STX8: variants seen among roughly 807,000 people sequenced by gnomAD.
The protein encoded by STX8 is syntaxin-8.
Under a neutral mutation model 37.5 loss-of-function variants are expected in STX8, and 23 were observed. That is an observed-to-expected ratio of 0.61 (90% CI 0.44 to 0.87). The LOEUF is 0.87. Ranked by LOEUF, STX8 falls within the 40% of genes least tolerant of loss-of-function variation. The pLI is 0.00. For missense variants in STX8, 313 were observed against 284.7 expected (o/e 1.10, Z -0.71); for synonymous variants, 115 against 99.1 (o/e 1.16, Z -0.95).
rs1362562072 is a variant in STX8 at position 9,276,312 on chromosome 17, TTAAAG to T, written c.644-25672_644-25668del. Among the ~76,000 whole-genome samples, 3 of 152,196 alleles carry T rather than the reference TTAAAG, an allele frequency of 2.0e-5. 1 individual carries two copies. Among genetic ancestry groups the T allele is most frequent in the African/African-American group, 4.8e-5 (2 of 41,414 alleles). On this transcript the variant is annotated intron_variant, in intron 7 of 7. Coordinates refer to ENST00000306357, the MANE Select transcript of STX8 (RefSeq NM_004853.3). ...TTCCTAACGAAGGGAACATGTTTCT[TTAAAG>T]TAACCCCATCTTTTTTTGTGGAAAT...
chr17:9,467,521 G>C (rs933972849), intron 6 of STX8: 2 of 152,212 alleles, frequency 1.3e-5, no homozygotes. Flanking sequence ...TTCCCCTTAA[G>C]GAGTGGGAAG....
At chr17:9,287,313 T>A (rs1344015153) in intron 7 of STX8, among the ~76,000 whole-genome samples, 1 of 152,154 alleles carries the variant, frequency 6.6e-6, no homozygotes, top group African/African-American at 2.4e-5. Context: ...GAGGGCCAGA[T>A]GCACCCCAGG....
At chr17:9,314,241 T>C (rs1485732444) in intron 7 of STX8, among the ~76,000 whole-genome samples, 1 of 152,224 alleles carries the variant, frequency 6.6e-6, no homozygotes, top group East Asian at 1.9e-4. Flanking sequence ...CCGTGAGGAA[T>C]AGAATTGCCA....
intron 7 of STX8, among the ~76,000 whole-genome samples, chr17:9,329,050 CAAAAAAAAA>C (rs998679728): frequency 0.012 from 324 of 27,936 alleles, 1 homozygote; most frequent in African/African-American, 0.022. Context: ...GATTCCATCT[CAAAAAAAAA>C]AAAAAAAAAA....
At chr17:9,455,741 C>G (rs537998637) in intron 6 of STX8, among the ~76,000 whole-genome samples, 1 of 152,160 alleles carries the variant, frequency 6.6e-6, no homozygotes, top group Non-Finnish European at 1.5e-5. Context: ...GGAATACAGA[C>G]ACTTCAGCAA....
chr17:9,398,653 G>C (rs7207785), intron 6 of STX8, among the ~76,000 whole-genome samples: 1 of 152,178 alleles, frequency 6.6e-6, no homozygotes, highest in Non-Finnish European at 1.5e-5. Context: ...TGGATGTGGA[G>C]TATACAGGAA....
At position 9,399,173 on chromosome 17, in the gene STX8, C is replaced by A. The variant is rs1354319160; in HGVS notation, c.542-20520G>T. On this transcript the variant is annotated intron_variant, in intron 6 of 7. Transcript: ENST00000306357. The stretch of plus-strand genomic sequence containing the variant: ...TCAGGCATGTCGCCAACTGATTTTT[C>A]CACTATATATATATCCACATGAACC... Among the ~76,000 whole-genome samples, 5 of 151,990 alleles carry A rather than the reference C, an allele frequency of 3.3e-5. No homozygotes were observed. In the East Asian group the frequency reaches 9.6e-4, roughly 29 times the overall value.
chr17:9,567,065 T>C (rs1907489326), intron 2 of STX8, among the ~76,000 whole-genome samples: 1 of 152,208 alleles, frequency 6.6e-6, no homozygotes, highest in South Asian at 2.1e-4. Context: ...TGTAGGTTGT[T>C]TGTTCACTCT....
At chr17:9,551,315 A>C (rs2151913769) in intron 3 of STX8, among the ~76,000 whole-genome samples, 1 of 152,324 alleles carries the variant, frequency 6.6e-6, no homozygotes, top group East Asian at 1.9e-4. Context: ...CACATTTTGC[A>C]AGTACTATTT....
chr17:9,515,172 G>A (rs1194376937), intron 4 of STX8, among the ~76,000 whole-genome samples: 2 of 152,170 alleles, frequency 1.3e-5, no homozygotes, highest in African/African-American at 4.8e-5. Flanking sequence ...ACTGTCTAAT[G>A]TCGTACTTGG....
chr17:9,387,633 C>T (rs1280208480), intron 6 of STX8, among the ~76,000 whole-genome samples: 1 of 152,168 alleles, frequency 6.6e-6, no homozygotes, highest in African/African-American at 2.4e-5. Context: ...CATTCTCTAT[C>T]AAGACAGTCC....
chr17:9,422,983 A>T (rs1462895285), intron 6 of STX8, among the ~76,000 whole-genome samples: 1 of 152,224 alleles, frequency 6.6e-6, no homozygotes, highest in Non-Finnish European at 1.5e-5. Flanking sequence ...GAATCAGGTA[A>T]ATCTGTACGT....
At chr17:9,304,014 T>C (rs372054245) in intron 7 of STX8, among the ~76,000 whole-genome samples, 2 of 135,924 alleles carry the variant, frequency 1.5e-5, no homozygotes, top group Non-Finnish European at 3.1e-5. Context: ...GCCAAATAAT[T>C]AGGAAAAAAA....
intron 6 of STX8, among the ~76,000 whole-genome samples, chr17:9,420,774 T>C (rs1323776183): frequency 6.6e-6 from 1 of 152,162 alleles, no homozygotes; most frequent in Non-Finnish European, 1.5e-5. Context: ...TACTGGAAAA[T>C]TCCAATGGCT....
chr17:9,339,131 C>T (rs191331078), intron 7 of STX8, among the ~76,000 whole-genome samples: 183 of 150,508 alleles, frequency 1.2e-3, no homozygotes, highest in African/African-American at 4.2e-3. Flanking sequence ...CAGAGAATCA[C>T]AGTATAAGAC....
intron 6 of STX8, among the ~76,000 whole-genome samples, chr17:9,441,671 G>GTT (rs1904659414): frequency 7.4e-6 from 1 of 135,234 alleles, no homozygotes. Flanking sequence ...CAGCACCATG[G>GTT]CTTTTTTTTT....
chr17:9,319,949 C>CA (rs1264729460), intron 7 of STX8, among the ~76,000 whole-genome samples: 5 of 149,502 alleles, frequency 3.3e-5, no homozygotes, highest in African/African-American at 1.3e-4. Flanking sequence ...GAGTCCATCT[C>CA]AAAAATAAAT....
At chr17:9,570,535 CAT>C (rs201998245) in intron 1 of STX8, among the ~76,000 whole-genome samples, 1 of 151,428 alleles carries the variant, frequency 6.6e-6, no homozygotes, top group Non-Finnish European at 1.5e-5. Flanking sequence ...GTATATCATT[CAT>C]ATATATATAT....
At chr17:9,346,665 C>T (rs1001381532) in intron 7 of STX8, among the ~76,000 whole-genome samples, 2 of 152,204 alleles carry the variant, frequency 1.3e-5, no homozygotes, top group Non-Finnish European at 2.9e-5. Context: ...AGAAAACAAA[C>T]TCACAAGCCA....
Sources: allele counts gnomAD v4.1 joint callset (sites outside exome capture counted in the v4.1 genomes callset), GRCh38; gene constraint gnomAD v4.1.1; transcripts MANE v1.5; gene names NCBI Gene and HGNC (gene_info 2026-07-23, HGNC 2026-07-21).